The following EFR3B variants were observed in gnomAD, a reference collection of about 807,000 sequenced individuals.
EFR3B encodes the protein protein EFR3 homolog B.
Under a neutral mutation model 104.7 loss-of-function variants are expected in EFR3B, and 64 were observed. That is an observed-to-expected ratio of 0.61 (90% confidence interval 0.50 to 0.75). EFR3B has a LOEUF of 0.75. Among genes scored for constraint, EFR3B ranks in the 30% least tolerant of loss-of-function variants. The probability of loss-of-function intolerance (pLI) is 0.00; values close to 1 mark genes in which losing one functional copy is unlikely to be tolerated. For synonymous variants in EFR3B, 385 were observed against 417.9 expected, an observed-to-expected ratio of 0.92 and a Z score of 0.96; for missense variants, 750 against 1,078.5, an observed-to-expected ratio of 0.70 and a Z score of 4.27.
chr2:25,046,262 G>C (rs1285476253), intron 1 of EFR3B, among the ~76,000 whole-genome samples: 1 of 151,996 alleles, frequency 6.6e-6, no homozygotes, highest in Admixed American at 6.5e-5. Flanking sequence ...GCGTGCACCT[G>C]TAATCCCAGC....
Position 25,080,914 on chromosome 2 carries a change from T to C in EFR3B, c.8-10411T>C, listed in dbSNP as rs1668785911. Reference sequence around the variant, plus strand: ...ATGTTTTCTGCTGCGGAATCCACAATATTAGGTGGAAATCCCATCTTCTGT... The same window carrying C: ...ATGTTTTCTGCTGCGGAATCCACAACATTAGGTGGAAATCCCATCTTCTGT... On this transcript the variant is annotated intron_variant, in intron 1 of 22. Transcript: ENST00000403714. 20 of 774,878 alleles carry C rather than the reference T, an allele frequency of 2.6e-5. No individual in the cohort carries two copies. The South Asian group carries it at 2.7e-4, about 11-fold the overall frequency. The allele number at this position is 774,878 out of a possible 1,614,324, so 48.0% of individuals were successfully genotyped here.
At chr2:25,098,672 A>G (rs1170770638) in intron 3 of EFR3B, among the ~76,000 whole-genome samples, 2 of 152,162 alleles carry the variant, frequency 1.3e-5, no homozygotes, top group African/African-American at 4.8e-5. Context: ...AATTATAAAC[A>G]TTCCATCCTT....
chr2:25,133,617 GAGCTGGGTC>G (rs1442875151), intron 12 of EFR3B, among the ~76,000 whole-genome samples, 183 bp downstream of exon 12: 4 of 152,182 alleles, frequency 2.6e-5, no homozygotes, highest in Admixed American at 1.3e-4. Context: ...GGCACCCACA[GAGCTGGGTC>G]AGCCACAGCA....
chr2:25,048,623 G>C (rs898228185), intron 1 of EFR3B, among the ~76,000 whole-genome samples: 4 of 151,930 alleles, frequency 2.6e-5, no homozygotes, highest in Non-Finnish European at 4.4e-5. Flanking sequence ...CCGAGGGCAC[G>C]AGCTGTTCCA....
chr2:25,103,179 G>A (rs939114127), intron 3 of EFR3B, among the ~76,000 whole-genome samples: 8 of 152,156 alleles, frequency 5.3e-5, no homozygotes, highest in African/African-American at 1.7e-4. Flanking sequence ...AGCTCATTAA[G>A]TTGAATGACT....
chr2:25,056,956 C>T (rs1668038219), intron 1 of EFR3B, among the ~76,000 whole-genome samples: 1 of 152,186 alleles, frequency 6.6e-6, no homozygotes, highest in Non-Finnish European at 1.5e-5. Flanking sequence ...CTCTCAGCTT[C>T]AGTTTCACCA....
At chr2:25,077,543 C>T (rs1485921000) in intron 1 of EFR3B, among the ~76,000 whole-genome samples, 1 of 152,242 alleles carries the variant, frequency 6.6e-6, no homozygotes, top group Admixed American at 6.5e-5. Context: ...CCTGCCTTGG[C>T]CTCCCAAAGT....
intron 2 of EFR3B, 25 bp downstream of exon 2, chr2:25,091,426 C>A: frequency 6.5e-7 from 1 of 1,541,266 alleles, no homozygotes; most frequent in Non-Finnish European, 8.8e-7. Flanking sequence ...TGGCAGGCAT[C>A]GTGGCTCTCA....
intron 16 of EFR3B, 60 bp from the exon 17 acceptor site, chr2:25,141,306 T>TG: frequency 6.5e-7 from 1 of 1,527,466 alleles, no homozygotes; most frequent in Non-Finnish European, 8.8e-7. Context: ...GCTCTTTCGT[T>TG]GCCTGTGAGC....
At chr2:25,090,014 A>G (rs1034618449) in intron 1 of EFR3B, among the ~76,000 whole-genome samples, 1 of 150,972 alleles carries the variant, frequency 6.6e-6, no homozygotes, top group Non-Finnish European at 1.5e-5. Context: ...TCCCCCTCCC[A>G]ATCAAAACTC....
chr2:25,088,298 C>T (rs779166203), intron 1 of EFR3B, among the ~76,000 whole-genome samples: 1 of 152,146 alleles, frequency 6.6e-6, no homozygotes, highest in African/African-American at 2.4e-5. Context: ...GGTGGCCAGA[C>T]AGGAATGCAG....
At chr2:25,046,775 T>C (rs1354336166) in intron 1 of EFR3B, among the ~76,000 whole-genome samples, 1 of 152,000 alleles carries the variant, frequency 6.6e-6, no homozygotes, top group Non-Finnish European at 1.5e-5. Flanking sequence ...AGTGCTGGGA[T>C]TACAGGCGTG....
At chr2:25,079,802 T>C in intron 1 of EFR3B, 1 of 691,066 alleles carries the variant, frequency 1.4e-6, no homozygotes, top group Non-Finnish European at 2.7e-6. Context: ...ACATGGCAAT[T>C]ACAACCTCCA....
chr2:25,059,856 CAA>C (rs1668137957), intron 1 of EFR3B, among the ~76,000 whole-genome samples: 1 of 75,136 alleles, frequency 1.3e-5, no homozygotes, highest in African/African-American at 5.6e-5. Context: ...ACCTGGGCAA[CAA>C]GAGCAAAACT....
Position 25,154,909 on chromosome 2 carries a change from G to T in EFR3B, c.*569G>T. On this transcript the variant is annotated 3_prime_UTR_variant, in exon 23 of 23. Coordinates refer to ENST00000403714, the MANE Select transcript of EFR3B (RefSeq NM_014971.2). The surrounding 1 kb of genome is among the most constrained non-coding windows in gnomAD (Gnocchi z 4.1). Reference sequence around the variant, plus strand: ...TGAATGCTGAGCCCTTATAACAGGAGCTGGGGTGGAGACATCACGAGGGGT... The same window carrying T: ...TGAATGCTGAGCCCTTATAACAGGATCTGGGGTGGAGACATCACGAGGGGT... The T allele has an allele frequency of 6.5e-6, 1 of 153,864 alleles. No individual in the cohort carries two copies. Among genetic ancestry groups the T allele is most frequent in the Non-Finnish European group, 1.4e-5 (1 of 69,104 alleles). The allele number at this position is 153,864 out of a possible 1,614,324, so 9.5% of individuals were successfully genotyped here.
At chr2:25,117,197 C>T (rs1205242149) in intron 4 of EFR3B, among the ~76,000 whole-genome samples, 1 of 152,154 alleles carries the variant, frequency 6.6e-6, no homozygotes, top group African/African-American at 2.4e-5. Context: ...CCCGTCAGCC[C>T]CTGCCTGCGG....
At chr2:25,128,944 GAGCGAGACTCC>G (rs1235074994) in intron 6 of EFR3B, among the ~76,000 whole-genome samples, 15 of 122,132 alleles carry the variant, frequency 1.2e-4, no homozygotes, top group Non-Finnish European at 2.3e-4. Flanking sequence ...CTGGGCGACG[GAGCGAGACTCC>G]GTCTCAAAAA....
At chr2:25,093,519 A>G (rs2149185998) in intron 3 of EFR3B, among the ~76,000 whole-genome samples, 1 of 152,224 alleles carries the variant, frequency 6.6e-6, no homozygotes, top group Admixed American at 6.5e-5. Context: ...AAAAAAAGAA[A>G]TAGATTATCA....
At position 25,065,660 on chromosome 2, in the gene EFR3B, C is replaced by G. The variant is rs1184902432; in HGVS notation, c.7+23341C>G. Among the ~76,000 whole-genome samples, 3 of 152,190 alleles carry G rather than the reference C, an allele frequency of 2.0e-5. No homozygotes were observed. The East Asian group carries it at 5.8e-4, about 29-fold the overall frequency. On this transcript the variant is annotated intron_variant, in intron 1 of 22. Transcript: ENST00000403714. ...CCAGTGCAGGCCTGAGGGCTGGGCC[C>G]TGTGCCTTCACCTGCTTCTCAGTTC...
Sources: allele counts gnomAD v4.1 joint callset (sites outside exome capture counted in the v4.1 genomes callset), GRCh38; gene constraint gnomAD v4.1.1; non-coding constraint Gnocchi (gnomAD v3.1); transcripts MANE v1.5; gene names NCBI Gene and HGNC (gene_info 2026-07-23, HGNC 2026-07-21).